RAC2: variants seen among roughly 807,000 people sequenced by gnomAD.
The protein encoded by RAC2 is Rac family small GTPase 2, also known as ras-related C3 botulinum toxin substrate 2.
In RAC2, 1 loss-of-function variant was observed where a neutral mutation model predicts 24.0. That is an observed-to-expected ratio of 0.04 (90% CI 0.01 to 0.20). The LOEUF is 0.20. Ranked by LOEUF, RAC2 falls within the 10% of genes least tolerant of loss-of-function variation. RAC2 has a pLI of 1.00. For synonymous variants in RAC2, 114 were observed against 106.8 expected, an observed-to-expected ratio of 1.07 and a Z score of -0.41; for missense variants, 130 against 259.1, an observed-to-expected ratio of 0.50 and a Z score of 3.42.
chr22:37,243,291 C>T (rs569953916), intron 1 of RAC2, among the ~76,000 whole-genome samples: 1 of 152,314 alleles, frequency 6.6e-6, no homozygotes, highest in African/African-American at 2.4e-5. Context: ...TGAGCCACTG[C>T]ACCTGGCCTG....
intron 5 of RAC2, among the ~76,000 whole-genome samples, chr22:37,230,451 A>G (rs1273082690): frequency 6.6e-6 from 1 of 151,308 alleles, no homozygotes; most frequent in East Asian, 1.9e-4. Flanking sequence ...CCTACCAGGG[A>G]CAGGGACAGG....
Position 37,233,003 on chromosome 22 carries a change from G to A in RAC2, c.108-85C>T, listed in dbSNP as rs530577072. On this transcript the variant is annotated intron_variant, in intron 2 of 6. Transcript: ENST00000249071. ...GTGGTCCAGCTCCATGTCATTCCTC[G>A]GAGGCTGAGACCTAGAGACAGTCTG... 4.5e-5 allele frequency: 46 copies of A among 1,027,456 alleles called. No individual in the cohort carries two copies. The African/African-American group carries it at 5.5e-4, about 12-fold the overall frequency. The allele number at this position is 1,027,456 out of a possible 1,614,324, so 63.6% of individuals were successfully genotyped here.
intron 6 of RAC2, 67 bp downstream of exon 6, chr22:37,226,583 TAAATGCCACTCACAGTGAACC>T: frequency 6.5e-7 from 1 of 1,547,820 alleles, no homozygotes. Flanking sequence ...TGTCCTGGCC[TAAATGCCACTCACAGTGAACC>T]AAAGGCCACT....
At chr22:37,236,918 C>T (rs1208271376) in intron 2 of RAC2, among the ~76,000 whole-genome samples, 4 of 152,128 alleles carry the variant, frequency 2.6e-5, no homozygotes, top group Admixed American at 6.5e-5. Context: ...CAGCTGGGCA[C>T]GGTGGCTCAC....
At chr22:37,235,338 C>T (rs56321109) in intron 2 of RAC2, among the ~76,000 whole-genome samples, 1 of 152,140 alleles carries the variant, frequency 6.6e-6, no homozygotes, top group Non-Finnish European at 1.5e-5. Flanking sequence ...AAACAGTGGC[C>T]CCTGACTTCC....
At chr22:37,229,481 A>G (rs932438529) in intron 5 of RAC2, among the ~76,000 whole-genome samples, 1 of 152,182 alleles carries the variant, frequency 6.6e-6, no homozygotes, top group Non-Finnish European at 1.5e-5. Flanking sequence ...AGCTGCTGTG[A>G]GAATGAAGTG....
chr22:37,237,944 G>A (rs1927284436), intron 2 of RAC2, among the ~76,000 whole-genome samples: 2 of 151,712 alleles, frequency 1.3e-5, no homozygotes, highest in South Asian at 2.1e-4. Context: ...GAGACGGGGG[G>A]CTGCTGTAGA....
At chr22:37,232,756 G>T (rs1927107239) in intron 3 of RAC2, 45 bp downstream of exon 3, 1 of 1,517,598 alleles carries the variant, frequency 6.6e-7, no homozygotes, top group Non-Finnish European at 9.1e-7. Flanking sequence ...AGAGGGAACA[G>T]AGACAGCAAA....
chr22:37,227,970 G>C lies in RAC2; in HGVS notation c.449-1167C>G, dbSNP rs533982666. ...TGTGAAGGAAAGGGCTCAAGCATCA[G>C]TGACCAAATCTCTGGGAGCCTCACC... On this transcript the variant is annotated intron_variant, in intron 5 of 6. Coordinates refer to ENST00000249071, the MANE Select transcript of RAC2 (RefSeq NM_002872.5). Among the ~76,000 whole-genome samples, 6 of 152,276 alleles carry C rather than the reference G, an allele frequency of 3.9e-5. No individual in the cohort carries two copies. The South Asian group carries it at 8.3e-4, about 21-fold the overall frequency.
intron 2 of RAC2, among the ~76,000 whole-genome samples, chr22:37,235,131 C>T (rs1369138576): frequency 6.6e-6 from 1 of 152,112 alleles, no homozygotes; most frequent in African/African-American, 2.4e-5. Flanking sequence ...GAACGCTACT[C>T]AATGTTAGGC....
chr22:37,241,277 T>C lies in RAC2; in HGVS notation c.107+310A>G, dbSNP rs755545243. ...TCCAGCAGCCTGCTTCCGCAGAAGCTCCTCTCCCAGCTCCTGCTCTTGCCT... is the reference window on the plus strand; with the variant it reads ...TCCAGCAGCCTGCTTCCGCAGAAGCCCCTCTCCCAGCTCCTGCTCTTGCCT... On this transcript the variant is annotated intron_variant, in intron 2 of 6. Transcript: ENST00000249071. The C allele has an allele frequency of 8.4e-4, 576 of 689,484 alleles. 1 individual carries two copies. Among genetic ancestry groups the C allele is most frequent in the Admixed American group, 1.2e-3 (61 of 49,614 alleles). 42.7% of individuals were successfully genotyped at this position (689,484 alleles called of 1,614,324 possible).
intron 2 of RAC2, chr22:37,240,709 T>A (rs1927360699): frequency 2.7e-6 from 1 of 372,786 alleles, no homozygotes; most frequent in Non-Finnish European, 5.1e-6. Context: ...AGAGATCAGA[T>A]AAAGTCACTC....
At chr22:37,242,628 G>A (rs1051802890) in intron 1 of RAC2, among the ~76,000 whole-genome samples, 3 of 152,340 alleles carry the variant, frequency 2.0e-5, no homozygotes, top group South Asian at 2.1e-4. Flanking sequence ...GCCTGCCACC[G>A]AGGTAATTTT....
At position 37,244,208 on chromosome 22, in the gene RAC2, GGCGC is replaced by G; in HGVS notation, c.-64_-61del. On this transcript the variant is annotated 5_prime_UTR_variant, in exon 1 of 7. Transcript: ENST00000249071. ...GCTCAGGGCCAGGCGCGTTTCTGCG[GGCGC>G]AAGGGGTGTGGAGGCTGGTGAGGCG... 1.3e-6 allele frequency: 2 copies of G among 1,599,702 alleles called. No individual in the cohort carries two copies. The highest frequency in any genetic ancestry group is 2.2e-5 in the South Asian group (2 of 89,456).
intron 2 of RAC2, chr22:37,240,890 C>T (rs1044117487): frequency 8.3e-5 from 52 of 628,524 alleles, no homozygotes; most frequent in African/African-American, 4.8e-4. Flanking sequence ...GAGCTTGTGG[C>T]GAACAGTAGG....
intron 2 of RAC2, among the ~76,000 whole-genome samples, chr22:37,235,081 T>C (rs1222025620): frequency 6.6e-6 from 1 of 152,052 alleles, no homozygotes; most frequent in African/African-American, 2.4e-5. Flanking sequence ...TGAATGCAGG[T>C]GGAAGGGAAT....
chr22:37,237,224 G>A (rs1399139316), intron 2 of RAC2, among the ~76,000 whole-genome samples: 1 of 149,632 alleles, frequency 6.7e-6, no homozygotes, highest in Non-Finnish European at 1.5e-5. Flanking sequence ...AGGGAGGAAG[G>A]GAGGGAGGGA....
chr22:37,226,859 G>T, intron 5 of RAC2, 56 bp from the exon 6 acceptor site: 1 of 1,600,484 alleles, frequency 6.2e-7, no homozygotes. Flanking sequence ...GGGGTTCTGG[G>T]CCAACATGTC....
chr22:37,241,820 C>T (rs908327740), intron 1 of RAC2, among the ~76,000 whole-genome samples, 162 bp from the exon 2 acceptor site: 8 of 152,216 alleles, frequency 5.3e-5, no homozygotes, highest in Non-Finnish European at 8.8e-5. Flanking sequence ...TTCTCACACC[C>T]GAGAGCCTGC....
Sources: allele counts gnomAD v4.1 joint callset (sites outside exome capture counted in the v4.1 genomes callset), GRCh38; gene constraint gnomAD v4.1.1; transcripts MANE v1.5; gene names NCBI Gene and HGNC (gene_info 2026-07-23, HGNC 2026-07-21).